SLC5A8: variants seen among roughly 807,000 people sequenced by gnomAD.
SLC5A8 encodes sodium-coupled monocarboxylate transporter 1.
Under a neutral mutation model 71.9 loss-of-function variants are expected in SLC5A8, and 55 were observed. The observed-to-expected ratio is 0.77, with a 90% CI of 0.62 to 0.96. The LOEUF (loss-of-function observed/expected upper bound fraction) is 0.96. Among genes scored for constraint, SLC5A8 ranks in the 40% least tolerant of loss-of-function variants. SLC5A8 has a pLI of 0.00. For synonymous variants in SLC5A8, 307 were observed against 276.1 expected (o/e 1.11, Z -1.11); for missense variants, 701 against 745.3 (o/e 0.94, Z 0.69).
At chr12:101,167,883 T>C (rs1434096004) in intron 11 of SLC5A8, among the ~76,000 whole-genome samples, 1 of 152,188 alleles carries the variant, frequency 6.6e-6, no homozygotes, top group Non-Finnish European at 1.5e-5. Flanking sequence ...AATTGCCCTA[T>C]ATGGTTCTGG....
At chr12:101,191,244 G>C (rs1868896951) in intron 5 of SLC5A8, among the ~76,000 whole-genome samples, 1 of 152,260 alleles carries the variant, frequency 6.6e-6, no homozygotes, top group East Asian at 1.9e-4. Context: ...CCAAAACATT[G>C]TCACAGGGAA....
rs2051773727 is a variant in SLC5A8 at position 101,166,634 on chromosome 12, T to A, written c.1386A>T (p.Ile462=). 6.2e-7 allele frequency: 1 copy of A among 1,613,726 alleles called. No homozygotes were observed. The highest frequency in any genetic ancestry group is 8.5e-7 in the Non-Finnish European group (1 of 1,179,932). ...ATGTTCTCTCAGGAAGTGGAGGATA[T>A]ATTTGAGCTCCAATTCCAACCCATA... ...ISLWVGIGAQ[I]YPPLPERTLP... is the part of the protein sequence containing the mutation. Residue 462 remains isoleucine (I), a synonymous_variant, in exon 12 of 15, where the codon ATA becomes ATT. Coordinates refer to ENST00000536262, the MANE Select transcript of SLC5A8 (RefSeq NM_145913.5).
intron 10 of SLC5A8, among the ~76,000 whole-genome samples, chr12:101,175,321 T>C (rs1438891234): frequency 6.6e-6 from 1 of 152,054 alleles, no homozygotes; most frequent in Non-Finnish European, 1.5e-5. Flanking sequence ...TCTGTAGAAC[T>C]ATAACAAAAA....
intron 4 of SLC5A8, among the ~76,000 whole-genome samples, chr12:101,194,660 A>G (rs1177429276): frequency 6.6e-6 from 1 of 151,940 alleles, no homozygotes; most frequent in African/African-American, 2.4e-5. Context: ...GTTTTTTTGT[A>G]GAGACAGAGT....
At chr12:101,170,708 C>G (rs1566309236) in intron 10 of SLC5A8, among the ~76,000 whole-genome samples, 1 of 152,124 alleles carries the variant, frequency 6.6e-6, no homozygotes. Flanking sequence ...TTCACCCCAC[C>G]CACACCCATG....
At chr12:101,189,697 T>C (rs758418885) in intron 6 of SLC5A8, among the ~76,000 whole-genome samples, 2 of 152,116 alleles carry the variant, frequency 1.3e-5, no homozygotes, top group Non-Finnish European at 2.9e-5. Context: ...TGTGCGTTCA[T>C]CCAAATCACT....
chr12:101,201,868 T>C (rs1174137011), intron 3 of SLC5A8, among the ~76,000 whole-genome samples: 1 of 152,196 alleles, frequency 6.6e-6, no homozygotes, highest in Non-Finnish European at 1.5e-5. Flanking sequence ...CCGTCAATCC[T>C]GACTTTGGCT....
chr12:101,204,556 G>C lies in SLC5A8; in HGVS notation c.361C>G (p.Leu121Val). The change falls in exon 2 of 15, where the codon CTT becomes GTT. Residue 121 changes from leucine to valine, a missense_variant. Transcript: ENST00000536262. ...AGACGAACACATTTGTTAAATCGAA[G>C]TTCTAAATACTGTTGCAAAAAAAAA... ...GITSTYEYLE[L>V]RFNKCVRLCG... 1.3e-6 allele frequency: 2 copies of C among 1,597,672 alleles called. No individual in the cohort carries two copies. Among genetic ancestry groups the C allele is most frequent in the South Asian group, 1.2e-5 (1 of 86,572 alleles).
intron 6 of SLC5A8, among the ~76,000 whole-genome samples, chr12:101,188,744 C>T (rs1440794459): frequency 2.6e-5 from 4 of 152,186 alleles, no homozygotes. Context: ...TCAGATTTAT[C>T]CTTCTCCCTT....
At chr12:101,158,099 G>C in intron 14 of SLC5A8, 150 bp downstream of exon 14, 1 of 626,860 alleles carries the variant, frequency 1.6e-6, no homozygotes, top group Non-Finnish European at 2.8e-6. Context: ...AGGATAGAGA[G>C]CTATCCAACA....
chr12:101,184,311 G>A (rs535697556), intron 7 of SLC5A8, 89 bp from the exon 8 acceptor site: 43 of 1,090,998 alleles, frequency 3.9e-5, no homozygotes, highest in Middle Eastern at 2.0e-4. Context: ...TGTCTCCTTC[G>A]GGAACTGAAA....
intron 9 of SLC5A8, among the ~76,000 whole-genome samples, chr12:101,182,288 T>A (rs980489941): frequency 2.6e-5 from 4 of 152,196 alleles, no homozygotes; most frequent in African/African-American, 4.8e-5. Flanking sequence ...TCAATTCATC[T>A]AATCTATTAA....
intron 3 of SLC5A8, among the ~76,000 whole-genome samples, chr12:101,196,992 G>A (rs1165622229): frequency 6.6e-6 from 1 of 152,126 alleles, no homozygotes; most frequent in Admixed American, 6.5e-5. Context: ...AACTTAAGGG[G>A]GCTCCGGCTG....
intron 10 of SLC5A8, among the ~76,000 whole-genome samples, chr12:101,179,453 A>T (rs1046214980): frequency 6.6e-6 from 1 of 152,234 alleles, no homozygotes; most frequent in Non-Finnish European, 1.5e-5. Context: ...ACCAGAGAAT[A>T]CTATCTGATA....
intron 3 of SLC5A8, among the ~76,000 whole-genome samples, chr12:101,199,649 T>A (rs1869351864): frequency 6.6e-6 from 1 of 151,718 alleles, no homozygotes; most frequent in South Asian, 2.1e-4. Context: ...AAAAGAATAA[T>A]ATCAAATGCT....
chr12:101,182,457 A>C (rs1178654671), intron 9 of SLC5A8, among the ~76,000 whole-genome samples: 1 of 152,186 alleles, frequency 6.6e-6, no homozygotes, highest in African/African-American at 2.4e-5. Flanking sequence ...TGAAAAGGAA[A>C]ATAGTTGAAT....
In SLC5A8 at chr12:101,166,694, T is replaced by G; in HGVS notation, c.1326A>C (p.Ala442=). 1 of 1,598,104 alleles carries G rather than the reference T, an allele frequency of 6.3e-7. No individual in the cohort carries two copies. The highest frequency in any genetic ancestry group is 1.3e-5 in the African/African-American group (1 of 74,358). Residue 442 remains alanine (A), a synonymous_variant, in exon 12 of 15, where the codon GCA becomes GCC. Coordinates refer to ENST00000536262, the MANE Select transcript of SLC5A8 (RefSeq NM_145913.5). The part of the protein sequence containing the change: ...ILVPFANSIG[A]LVGLMAGFAI... ...CAAATCCAGCCATCAGACCAACAAG[T>G]GCTCCCTGTAAAACAAGAATGCCTT... is the stretch of plus-strand genomic sequence containing the variant.
At chr12:101,193,217 C>T (rs1868998106) in intron 5 of SLC5A8, among the ~76,000 whole-genome samples, 1 of 152,168 alleles carries the variant, frequency 6.6e-6, no homozygotes, top group Non-Finnish European at 1.5e-5. Flanking sequence ...AGGTGATCCA[C>T]CCACCTTGGC....
At chr12:101,204,843 C>G (rs1869610203) in intron 1 of SLC5A8, among the ~76,000 whole-genome samples, 1 of 152,182 alleles carries the variant, frequency 6.6e-6, no homozygotes, top group African/African-American at 2.4e-5. Context: ...TCGGGCTTCC[C>G]CTTCATGATC....
Sources: gnomAD v4.1 joint callset for allele counts (sites outside exome capture counted in the v4.1 genomes callset) on GRCh38, gnomAD v4.1.1 for gene constraint, MANE v1.5 for transcripts, NCBI Gene and HGNC (gene_info 2026-07-23, HGNC 2026-07-21) for gene names.